The following SMYD3 variants were observed in gnomAD, a reference collection of about 807,000 sequenced individuals.
SMYD3 encodes histone-lysine N-methyltransferase SMYD3.
A neutral mutation model predicts 57.7 loss-of-function variants in SMYD3; 36 were observed. The ratio of observed to expected loss-of-function variants is 0.62; its 90% CI spans 0.48 to 0.82. The LOEUF is 0.82. Among genes scored for constraint, SMYD3 ranks in the 40% least tolerant of loss-of-function variants. The probability of loss-of-function intolerance (pLI) is 0.00; values close to 1 mark genes in which losing one functional copy is unlikely to be tolerated. For synonymous variants in SMYD3, 211 were observed against 195.0 expected (o/e 1.08, Z -0.68); for missense variants, 515 against 538.8 (o/e 0.96, Z 0.44).
chr1:245,813,107 C>CAGGTTCA (rs2048583878), intron 10 of SMYD3, among the ~76,000 whole-genome samples: 1 of 150,208 alleles, frequency 6.7e-6, no homozygotes, highest in South Asian at 2.1e-4. Flanking sequence ...CTCCGCCTCC[C>CAGGTTCA]AGGTTCAAGT....
At chr1:245,754,905 C>A (rs115438267) in intron 11 of SMYD3, among the ~76,000 whole-genome samples, 1 of 152,102 alleles carries the variant, frequency 6.6e-6, no homozygotes, top group African/African-American at 2.4e-5. Flanking sequence ...AGTGCTGGGG[C>A]GCCCAGAGGA....
chr1:246,080,738 A>G (rs1190273273), intron 5 of SMYD3, among the ~76,000 whole-genome samples: 1 of 152,234 alleles, frequency 6.6e-6, no homozygotes, highest in Non-Finnish European at 1.5e-5. Flanking sequence ...TACACAGAAA[A>G]GCTTAATATT....
intron 8 of SMYD3, among the ~76,000 whole-genome samples, chr1:245,870,401 G>A (rs1025514789): frequency 2.0e-5 from 3 of 152,154 alleles, no homozygotes; most frequent in African/African-American, 4.8e-5. Flanking sequence ...TGACAATCGC[G>A]TCAAGGGTTA....
At chr1:246,040,821 T>C (rs1268546187) in intron 5 of SMYD3, among the ~76,000 whole-genome samples, 2 of 152,226 alleles carry the variant, frequency 1.3e-5, no homozygotes, top group Non-Finnish European at 2.9e-5. Context: ...ATTTGCTGCT[T>C]AGAAATATGT....
At chr1:245,924,646 C>A (rs2056230596) in intron 7 of SMYD3, among the ~76,000 whole-genome samples, 1 of 140,382 alleles carries the variant, frequency 7.1e-6, no homozygotes, top group African/African-American at 2.6e-5. Flanking sequence ...GTCTGAGACT[C>A]TATTCCAGCT....
At chr1:246,090,952 C>T (rs369187658) in intron 5 of SMYD3, among the ~76,000 whole-genome samples, 21 of 152,308 alleles carry the variant, frequency 1.4e-4, no homozygotes, top group East Asian at 1.4e-3. Flanking sequence ...CTGGGAACCT[C>T]GTCGGGGAAA....
chr1:245,886,014 T>C (rs1019624309), intron 8 of SMYD3, among the ~76,000 whole-genome samples: 2 of 152,204 alleles, frequency 1.3e-5, no homozygotes, highest in Non-Finnish European at 2.9e-5. Flanking sequence ...AATTTATTAA[T>C]TGGCTGCTAC....
At position 246,154,671 on chromosome 1, in the gene SMYD3, G is replaced by A. The variant is rs181339951; in HGVS notation, c.531+172530C>T. Among the ~76,000 whole-genome samples, 313 of 152,108 alleles carry A rather than the reference G, an allele frequency of 2.1e-3. 4 individuals carry two copies. The highest frequency in any genetic ancestry group is 6.6e-3 in the African/African-American group (273 of 41,504). Reference sequence around the variant, plus strand: ...GTATCACAACAGAGAAACAGCTCTTGGTTTATTGTTCATTGTTCCCCACAC... The same window carrying A: ...GTATCACAACAGAGAAACAGCTCTTAGTTTATTGTTCATTGTTCCCCACAC... On this transcript the variant is annotated intron_variant, in intron 5 of 11. Transcript: ENST00000490107.
At chr1:246,391,396 GAGAGAGAGAGAA>G in intron 1 of SMYD3, among the ~76,000 whole-genome samples, 1 of 66,026 alleles carries the variant, frequency 1.5e-5, no homozygotes, top group Non-Finnish European at 3.2e-5. Context: ...GAGAGAGAAA[GAGAGAGAGAGAA>G]AGAGAGAGAA....
At chr1:246,266,927 T>A (rs1287034933) in intron 5 of SMYD3, among the ~76,000 whole-genome samples, 1 of 152,206 alleles carries the variant, frequency 6.6e-6, no homozygotes, top group Non-Finnish European at 1.5e-5. Flanking sequence ...AATAATATTT[T>A]TTTCCTTTTC....
At chr1:246,123,571 A>AACACACACACACACAC (rs557543331) in intron 5 of SMYD3, among the ~76,000 whole-genome samples, 2 of 129,488 alleles carry the variant, frequency 1.5e-5, no homozygotes, top group Admixed American at 8.1e-5. Context: ...TCCATCTCAA[A>AACACACACACACACAC]ACACACACAC....
At chr1:246,192,421 T>G (rs2062753176) in intron 5 of SMYD3, among the ~76,000 whole-genome samples, 1 of 152,154 alleles carries the variant, frequency 6.6e-6, no homozygotes. Flanking sequence ...CCTGGCTCAT[T>G]TTTAATTTTT....
intron 5 of SMYD3, among the ~76,000 whole-genome samples, chr1:246,190,243 G>T (rs752308984): frequency 3.9e-5 from 6 of 152,148 alleles, no homozygotes; most frequent in Non-Finnish European, 7.4e-5. Flanking sequence ...TGCGTATAAA[G>T]CACCACACAC....
intron 5 of SMYD3, among the ~76,000 whole-genome samples, chr1:246,241,067 A>C (rs562979796): frequency 1.2e-4 from 17 of 146,882 alleles, no homozygotes; most frequent in East Asian, 7.3e-4. Context: ...TCTTTTCCTA[A>C]CTGAATACCC....
chr1:245,854,595 C>T (rs9804028), intron 10 of SMYD3, among the ~76,000 whole-genome samples: 9,016 of 28,710 alleles, frequency 0.31, 887 homozygotes, highest in African/African-American at 0.45. Context: ...TTATCCTTTT[C>T]TCTCTCTCTC....
chr1:246,287,397 T>A (rs1398961944), intron 5 of SMYD3, among the ~76,000 whole-genome samples: 1 of 152,210 alleles, frequency 6.6e-6, no homozygotes, highest in African/African-American at 2.4e-5. Flanking sequence ...TAATCACTAT[T>A]TAATAGTTTA....
At chr1:246,289,775 C>T (rs1179312739) in intron 5 of SMYD3, among the ~76,000 whole-genome samples, 2 of 152,142 alleles carry the variant, frequency 1.3e-5, no homozygotes, top group African/African-American at 4.8e-5. Context: ...ACCATGAACT[C>T]ACCAATGGAG....
At chr1:246,042,563 C>T (rs934326876) in intron 5 of SMYD3, among the ~76,000 whole-genome samples, 1 of 152,114 alleles carries the variant, frequency 6.6e-6, no homozygotes, top group Non-Finnish European at 1.5e-5. Context: ...ATTAGTGAAC[C>T]GATTCTAACA....
intron 10 of SMYD3, among the ~76,000 whole-genome samples, chr1:245,806,815 C>A (rs930886837): frequency 1.4e-5 from 2 of 144,998 alleles, no homozygotes; most frequent in Non-Finnish European, 3.0e-5. Context: ...GAGGCTGAGG[C>A]AGGAGAATGG....
Sources: gnomAD v4.1 joint callset for allele counts (sites outside exome capture counted in the v4.1 genomes callset) on GRCh38, gnomAD v4.1.1 for gene constraint, MANE v1.5 for transcripts, NCBI Gene and HGNC (gene_info 2026-07-23, HGNC 2026-07-21) for gene names.